The following ERICH6 variants were observed in gnomAD, a reference collection of about 807,000 sequenced individuals.
ERICH6 encodes glutamate rich 6.
ERICH6 carries 71 observed loss-of-function variants against 71.0 expected under a neutral mutation model. The observed-to-expected ratio is 1.00, with a 90% confidence interval of 0.83 to 1.22. ERICH6 has a LOEUF of 1.22. Among genes scored for constraint, ERICH6 ranks in the 50% most tolerant of loss-of-function variants. ERICH6 has a pLI of 0.00. For synonymous variants in ERICH6, 262 were observed against 278.4 expected, an observed-to-expected ratio of 0.94 and a Z score of 0.59; for missense variants, 808 against 797.2, an observed-to-expected ratio of 1.01 and a Z score of -0.16.
At chr3:150,670,538 A>G (rs1711498662) in intron 11 of ERICH6, among the ~76,000 whole-genome samples, 1 of 151,862 alleles carries the variant, frequency 6.6e-6, no homozygotes, top group African/African-American at 2.4e-5. Flanking sequence ...AAAAAAAAGG[A>G]AATGAAAAGC....
intron 1 of ERICH6, among the ~76,000 whole-genome samples, chr3:150,702,749 C>T (rs551962155): frequency 1.5e-4 from 23 of 151,722 alleles, no homozygotes; most frequent in African/African-American, 5.5e-4. Context: ...CTCTAGAAGA[C>T]TTCTCTGCTT....
intron 3 of ERICH6, among the ~76,000 whole-genome samples, chr3:150,689,159 T>A (rs1056604789): frequency 7.2e-5 from 11 of 152,250 alleles, no homozygotes; most frequent in Admixed American, 2.6e-4. Context: ...TCCTCAAATT[T>A]GGTCACGATC....
intron 9 of ERICH6, among the ~76,000 whole-genome samples, chr3:150,679,035 C>CAAAAA (rs1160094551): frequency 2.1e-4 from 14 of 65,202 alleles, no homozygotes; most frequent in East Asian, 1.2e-3. Context: ...GACTCTGTCT[C>CAAAAA]AAAAAAAAAA....
chr3:150,675,909 T>G (rs1430051082), intron 10 of ERICH6, among the ~76,000 whole-genome samples: 1 of 151,390 alleles, frequency 6.6e-6, no homozygotes, highest in Non-Finnish European at 1.5e-5. Flanking sequence ...ATGATGTGTC[T>G]AGAATTTTTT....
intron 9 of ERICH6, among the ~76,000 whole-genome samples, chr3:150,679,439 C>G (rs1424640915): frequency 6.6e-6 from 1 of 152,096 alleles, no homozygotes; most frequent in Non-Finnish European, 1.5e-5. Context: ...CATAGCTTAG[C>G]TCCCATCTAA....
chr3:150,703,030 T>C (rs1490749231), intron 1 of ERICH6, among the ~76,000 whole-genome samples: 1 of 150,196 alleles, frequency 6.7e-6, no homozygotes, highest in African/African-American at 2.5e-5. Flanking sequence ...ACGGTGTGAA[T>C]GCACGCAAAA....
intron 1 of ERICH6, among the ~76,000 whole-genome samples, chr3:150,702,889 A>AGGGT (rs1553755776): frequency 8.8e-6 from 1 of 113,420 alleles, no homozygotes; most frequent in Non-Finnish European, 1.7e-5. Context: ...AAATAATATG[A>AGGGT]GTGTGTGTGT....
chr3:150,690,025 AT>A (rs529138209), intron 3 of ERICH6, among the ~76,000 whole-genome samples: 3 of 151,834 alleles, frequency 2.0e-5, no homozygotes, highest in Middle Eastern at 3.4e-3. Context: ...TTTAAAAAAA[AT>A]TTTTTTTTAC....
At chr3:150,691,010 A>G (rs1484658840) in intron 3 of ERICH6, among the ~76,000 whole-genome samples, 1 of 152,174 alleles carries the variant, frequency 6.6e-6, no homozygotes, top group African/African-American at 2.4e-5. Context: ...TAAACTCTAA[A>G]CTAATTTCCT....
intron 13 of ERICH6, among the ~76,000 whole-genome samples, chr3:150,660,385 T>C (rs2108032761): frequency 6.6e-6 from 1 of 152,300 alleles, no homozygotes; most frequent in African/African-American, 2.4e-5. Context: ...CAAAAGCCTA[T>C]AATTTATTCA....
intron 3 of ERICH6, among the ~76,000 whole-genome samples, chr3:150,687,598 G>T (rs914356027): frequency 3.9e-5 from 6 of 152,178 alleles, no homozygotes; most frequent in African/African-American, 1.4e-4. Flanking sequence ...ATTCTATCTA[G>T]ATTCCAGAGC....
chr3:150,671,609 GTTTA>G (rs1413497441), intron 11 of ERICH6, among the ~76,000 whole-genome samples: 1 of 152,070 alleles, frequency 6.6e-6, no homozygotes, highest in African/African-American at 2.4e-5. Flanking sequence ...AGCCCTATAT[GTTTA>G]TTTATTTATT....
chr3:150,703,892 G>A lies in ERICH6; in HGVS notation c.7C>T (p.His3Tyr). 1 of 1,613,912 alleles carries A rather than the reference G, an allele frequency of 6.2e-7. No homozygotes were observed. The highest frequency in any genetic ancestry group is 8.5e-7 in the Non-Finnish European group (1 of 1,179,890). ...CCGAAGCCGCTAGGCGAGCGCAAGTGGGCCATGGCTGGCGGGAGGCGGGAT... is the reference window on the plus strand; with the variant it reads ...CCGAAGCCGCTAGGCGAGCGCAAGTAGGCCATGGCTGGCGGGAGGCGGGAT... MA[H>Y]LRSPSGFGDP... Residue 3 changes from histidine (H) to tyrosine (Y), a missense_variant, in exon 1 of 14, where the codon CAC becomes TAC. Physicochemically the swap from His to Tyr is moderately conservative, Grantham distance 83. Transcript: ENST00000295910.
intron 2 of ERICH6, among the ~76,000 whole-genome samples, chr3:150,700,843 A>G (rs1290542109): frequency 6.6e-6 from 1 of 152,164 alleles, no homozygotes; most frequent in African/African-American, 2.4e-5. Flanking sequence ...CAGCCTCCCA[A>G]AGTGCTGGGA....
intron 11 of ERICH6, among the ~76,000 whole-genome samples, chr3:150,669,879 T>C (rs1323192110): frequency 6.6e-6 from 1 of 152,160 alleles, no homozygotes; most frequent in Admixed American, 6.5e-5. Flanking sequence ...GTCCTCAACC[T>C]GATAAAGAGT....
At chr3:150,676,154 G>C (rs759526145) in intron 10 of ERICH6, among the ~76,000 whole-genome samples, 1 of 151,542 alleles carries the variant, frequency 6.6e-6, no homozygotes, top group Non-Finnish European at 1.5e-5. Context: ...AATGAGTTTT[G>C]ATATTTTTTC....
intron 10 of ERICH6, among the ~76,000 whole-genome samples, chr3:150,676,204 T>C (rs1194357779): frequency 6.6e-6 from 1 of 152,070 alleles, no homozygotes; most frequent in African/African-American, 2.4e-5. Flanking sequence ...CTTTCTTTAG[T>C]GGAGTCTAAC....
chr3:150,684,644 C>T (rs896748823), intron 6 of ERICH6, among the ~76,000 whole-genome samples: 4 of 152,164 alleles, frequency 2.6e-5, no homozygotes, highest in Admixed American at 6.5e-5. Context: ...ACCACTCTAG[C>T]GGCAGTGTGG....
intron 10 of ERICH6, among the ~76,000 whole-genome samples, chr3:150,677,090 G>T (rs1711690771): frequency 6.6e-6 from 1 of 152,130 alleles, no homozygotes; most frequent in African/African-American, 2.4e-5. Flanking sequence ...AGGATTACAG[G>T]CGTGAGCCAA....
Sources: gnomAD v4.1 joint callset for allele counts (sites outside exome capture counted in the v4.1 genomes callset) on GRCh38, gnomAD v4.1.1 for gene constraint, MANE v1.5 for transcripts, NCBI Gene and HGNC (gene_info 2026-07-23, HGNC 2026-07-21) for gene names.